The following DSTN variants were observed in gnomAD, a reference collection of about 807,000 sequenced individuals.
DSTN encodes destrin.
Under a neutral mutation model 16.8 loss-of-function variants are expected in DSTN, and 10 were observed. The observed-to-expected ratio is 0.60, with a 90% confidence interval of 0.37 to 1.01. The LOEUF (loss-of-function observed/expected upper bound fraction) is 1.01. DSTN is among the 50% of genes least tolerant of loss of function. DSTN has a pLI of 0.01. For synonymous variants in DSTN, 57 were observed against 58.9 expected (o/e 0.97, Z 0.14); for missense variants, 141 against 196.7 (o/e 0.72, Z 1.69).
chr20:17,600,803 C>T lies in DSTN; in HGVS notation c.69C>T (p.Cys23=). Residue 23 remains cysteine (C), a synonymous_variant, in exon 2 of 4, where the codon TGC becomes TGT. Coordinates refer to ENST00000246069, the MANE Select transcript of DSTN (RefSeq NM_006870.4). ...TTTATGACATGAAAGTTCGTAAATGCTCCACACCAGAAGAAATCAAGAAAA... is the reference window on the plus strand; with the variant it reads ...TTTATGACATGAAAGTTCGTAAATGTTCCACACCAGAAGAAATCAAGAAAA... ...RIFYDMKVRK[C]STPEEIKKRK... 6.2e-7 allele frequency: 1 copy of T among 1,613,668 alleles called. No homozygotes were observed. The highest frequency in any genetic ancestry group is 8.5e-7 in the Non-Finnish European group (1 of 1,179,776).
At chr20:17,592,154 G>GA in intron 1 of DSTN, 5 of 959,320 alleles carry the variant, frequency 5.2e-6, no homozygotes, top group Non-Finnish European at 6.2e-6. Context: ...AGCCAGGCAT[G>GA]GTGGCTCATG....
At chr20:17,580,479 G>A (rs913765247) in intron 1 of DSTN, among the ~76,000 whole-genome samples, 2 of 152,208 alleles carry the variant, frequency 1.3e-5, no homozygotes, top group African/African-American at 4.8e-5. Flanking sequence ...CAGGCGTGGT[G>A]ACTCATGCTT....
intron 3 of DSTN, among the ~76,000 whole-genome samples, chr20:17,606,256 A>G (rs2035642051): frequency 6.6e-6 from 1 of 152,238 alleles, no homozygotes; most frequent in African/African-American, 2.4e-5. Context: ...GATGGGAATA[A>G]CCATGCAGCT....
chr20:17,598,779 T>G (rs937977061), intron 1 of DSTN, among the ~76,000 whole-genome samples: 2 of 152,182 alleles, frequency 1.3e-5, no homozygotes, highest in Admixed American at 6.5e-5. Context: ...TAAAAAAATT[T>G]TAGAGGCACG....
chr20:17,579,547 C>A (rs958868654), intron 1 of DSTN, among the ~76,000 whole-genome samples: 1 of 152,164 alleles, frequency 6.6e-6, no homozygotes, highest in Non-Finnish European at 1.5e-5. Context: ...TGCACCACTG[C>A]ACCTCAGCCT....
rs189209294 is a variant in DSTN at position 17,602,828 on chromosome 20, C to A, written c.312-1727C>A. Among the ~76,000 whole-genome samples, 47 of 152,156 alleles carry A rather than the reference C, an allele frequency of 3.1e-4. 1 individual carries two copies. The East Asian group carries it at 8.1e-3, about 26-fold the overall frequency. ...GATCACGAGGTCAAGAGATCGAGAC[C>A]ATCCTGGCCAACCAACATGGTGCAA... On this transcript the variant is annotated intron_variant, in intron 2 of 3. Coordinates refer to ENST00000246069, the MANE Select transcript of DSTN (RefSeq NM_006870.4).
rs375569189 is a variant in DSTN at position 17,607,163 on chromosome 20, A to T, written c.*17A>T. 12 of 1,602,720 alleles carry T rather than the reference A, an allele frequency of 7.5e-6. No individual in the cohort carries two copies. The highest frequency in any genetic ancestry group is 4.5e-4 in the Middle Eastern group (2 of 4,476). ...CCTGTGTAGATTATTCAGTGCCACA[A>T]ATTGAAAGCTTCCATGTTTAATGTT... On this transcript the variant is annotated 3_prime_UTR_variant, in exon 4 of 4. Transcript: ENST00000246069.
intron 1 of DSTN, chr20:17,596,735 C>T (rs2035530464): frequency 1.0e-6 from 1 of 985,248 alleles, no homozygotes; most frequent in Admixed American, 6.2e-5. Context: ...CCACAGACAT[C>T]ACTTCTGATA....
At chr20:17,573,480 A>C (rs1416058302) in intron 1 of DSTN, among the ~76,000 whole-genome samples, 1 of 152,032 alleles carries the variant, frequency 6.6e-6, no homozygotes, top group Non-Finnish European at 1.5e-5. Context: ...GGTCTATTTA[A>C]AGTTTTTATA....
At chr20:17,570,530 C>T (rs1211640114) in intron 1 of DSTN, among the ~76,000 whole-genome samples, 1 of 152,180 alleles carries the variant, frequency 6.6e-6, no homozygotes, top group African/African-American at 2.4e-5. Flanking sequence ...TCGAGCGCCC[C>T]CACCCGCTCT....
intron 1 of DSTN, among the ~76,000 whole-genome samples, chr20:17,591,115 C>A (rs1039387317): frequency 6.6e-6 from 1 of 152,148 alleles, no homozygotes; most frequent in Non-Finnish European, 1.5e-5. Flanking sequence ...CCCCCTTCCC[C>A]CCCAGAAAAA....
intron 1 of DSTN, among the ~76,000 whole-genome samples, chr20:17,573,212 ATC>A (rs927377624): frequency 2.8e-4 from 43 of 152,200 alleles, no homozygotes; most frequent in African/African-American, 1.0e-3. Context: ...TAGCTACTTA[ATC>A]ATTCATATGT....
chr20:17,591,081 T>G (rs2035463803), intron 1 of DSTN, among the ~76,000 whole-genome samples: 1 of 152,182 alleles, frequency 6.6e-6, no homozygotes, highest in Non-Finnish European at 1.5e-5. Context: ...GCACTCCAGC[T>G]AGGGCAACAG....
chr20:17,570,122 T>C lies in DSTN; in HGVS notation c.-87T>C. ...CCGCGTCAGCTCAGCGCTGGGTCTC[T>C]CGGTCCCGCAGCCGTGAGGAGGACG... On this transcript the variant is annotated 5_prime_UTR_variant, in exon 1 of 4. Coordinates refer to ENST00000246069, the MANE Select transcript of DSTN (RefSeq NM_006870.4). 6.6e-7 allele frequency: 1 copy of C among 1,505,026 alleles called. No individual in the cohort carries two copies. The highest frequency in any genetic ancestry group is 8.8e-7 in the Non-Finnish European group (1 of 1,131,570). The allele number at this position is 1,505,026 out of a possible 1,614,324, so 93.2% of individuals were successfully genotyped here.
intron 1 of DSTN, among the ~76,000 whole-genome samples, chr20:17,585,680 T>C (rs1189305941): frequency 6.6e-6 from 1 of 152,170 alleles, no homozygotes; most frequent in Non-Finnish European, 1.5e-5. Flanking sequence ...TACATACACA[T>C]ATATAGTTGT....
At chr20:17,599,965 T>TA (rs2035568981) in intron 1 of DSTN, among the ~76,000 whole-genome samples, 1 of 152,220 alleles carries the variant, frequency 6.6e-6, no homozygotes, top group Non-Finnish European at 1.5e-5. Context: ...ATAATAAAGT[T>TA]AATGTAAATA....
intron 3 of DSTN, among the ~76,000 whole-genome samples, chr20:17,606,783 A>T (rs1299551780): frequency 6.6e-6 from 1 of 152,190 alleles, no homozygotes; most frequent in East Asian, 1.9e-4. Flanking sequence ...CTGATTTTGT[A>T]TGCTATACCT....
chr20:17,600,161 A>T (rs2035571164), intron 1 of DSTN, among the ~76,000 whole-genome samples: 1 of 152,236 alleles, frequency 6.6e-6, no homozygotes, highest in Non-Finnish European at 1.5e-5. Flanking sequence ...TATTTATTCT[A>T]ATCTTAGTTT....
chr20:17,583,735 C>CTTTT (rs71192397), intron 1 of DSTN, among the ~76,000 whole-genome samples: 15,105 of 71,196 alleles, frequency 0.21, 4,265 homozygotes, highest in South Asian at 0.35. Context: ...TTTGGAGTTT[C>CTTTT]TTTTTTTTTT....
Sources: gnomAD v4.1 joint callset for allele counts (sites outside exome capture counted in the v4.1 genomes callset) on GRCh38, gnomAD v4.1.1 for gene constraint, MANE v1.5 for transcripts, NCBI Gene and HGNC (gene_info 2026-07-23, HGNC 2026-07-21) for gene names.